Variants in NOTCH2 observed in about 807,000 individuals in gnomAD.
NOTCH2 encodes neurogenic locus notch homolog protein 2.
A neutral mutation model predicts 235.8 loss-of-function variants in NOTCH2; 29 were observed. The ratio of observed to expected loss-of-function variants is 0.12; its 90% CI spans 0.09 to 0.17. The LOEUF is 0.17. Ranked by LOEUF, NOTCH2 falls within the 10% of genes least tolerant of loss-of-function variation. The pLI is 1.00. For missense variants in NOTCH2, 2,285 were observed against 3,150.2 expected (o/e 0.73, Z 6.57); for synonymous variants, 1,086 against 1,141.5 (o/e 0.95, Z 0.98).
intron 11 of NOTCH2, among the ~76,000 whole-genome samples, chr1:119,959,843 A>G (rs1230169929): frequency 1.3e-5 from 2 of 152,210 alleles, no homozygotes; most frequent in African/African-American, 4.8e-5. Context: ...TCACCTCCAC[A>G]TGCCACAGTT....
intron 10 of NOTCH2, among the ~76,000 whole-genome samples, chr1:119,964,682 T>C (rs1376996670): frequency 5.3e-5 from 8 of 152,280 alleles, no homozygotes; most frequent in African/African-American, 1.4e-4. Context: ...CTTTAATCTT[T>C]AAGACTCCAT....
chr1:120,069,155 G>A, intron 1 of NOTCH2, 179 bp downstream of exon 1: 2 of 1,527,454 alleles, frequency 1.3e-6, no homozygotes, highest in South Asian at 1.2e-5. Context: ...GCGGTTGGCG[G>A]GGCACCACGG....
intron 1 of NOTCH2, among the ~76,000 whole-genome samples, chr1:120,037,531 C>A (rs1393619861): frequency 6.7e-6 from 1 of 149,592 alleles, no homozygotes; most frequent in East Asian, 1.9e-4. Context: ...TTTTGTATTC[C>A]ATTTTTTGGG....
intron 28 of NOTCH2, 152 bp from the exon 29 acceptor site, chr1:119,921,961 T>A: frequency 1.3e-6 from 1 of 762,332 alleles, no homozygotes; most frequent in Admixed American, 2.1e-5. Context: ...TTGGTGACAT[T>A]CCCTTGGCAT....
rs780906419 is a variant in NOTCH2 at position 119,916,450 on chromosome 1, A to G, written c.6272T>C (p.Phe2091Ser). Residue 2091 changes from phenylalanine (F) to serine (S), a missense_variant, in exon 34 of 34, where the codon TTC becomes TCC. Coordinates refer to ENST00000256646, the MANE Select transcript of NOTCH2 (RefSeq NM_024408.4). ...CATTGGGGTGTGCTTCAGGCTGAGG[A>G]AAGATCTGTTGGGCCCACAGATGAC... ...SPVICGPNRSFLSLKHTPMGK... is the reference protein window; with the variant it reads ...SPVICGPNRSSLSLKHTPMGK... 6.2e-7 allele frequency: 1 copy of G among 1,613,702 alleles called. No homozygotes were observed. The highest frequency in any genetic ancestry group is 1.1e-5 in the South Asian group (1 of 91,076).
chr1:120,039,182 A>G (rs2101360014), intron 1 of NOTCH2, among the ~76,000 whole-genome samples: 1 of 152,304 alleles, frequency 6.6e-6, no homozygotes, highest in Non-Finnish European at 1.5e-5. Context: ...CCCAACAGAG[A>G]GGAAGAAGCT....
At chr1:119,953,500 G>C (rs782355507) in intron 14 of NOTCH2, 43 bp downstream of exon 14, 1 of 1,608,694 alleles carries the variant, frequency 6.2e-7, no homozygotes. Context: ...GCAACAACAA[G>C]AAGACAAAGA....
rs781999568 is a variant in NOTCH2, at chr1:119,935,572, C to T, written c.3555G>A (p.Glu1185=). ...GATTCTGGCACTCATCCACTTCATACTCACAGTTGACACCCTGATAGCCTG... is the reference window on the plus strand; with the variant it reads ...GATTCTGGCACTCATCCACTTCATATTCACAGTTGACACCCTGATAGCCTG... ...CVPGYQGVNC[E]YEVDECQNQP... The change falls in exon 22 of 34, where the codon GAG becomes GAA. Residue 1185 remains glutamate (E), a synonymous_variant. Coordinates refer to ENST00000256646, the MANE Select transcript of NOTCH2 (RefSeq NM_024408.4). The T allele has an allele frequency of 6.2e-7, 1 of 1,614,198 alleles. No homozygotes were observed. The highest frequency in any genetic ancestry group is 2.2e-5 in the East Asian group (1 of 44,880).
rs370349228 is a variant in NOTCH2, at chr1:119,968,113, C to A, written c.1228G>T (p.Ala410Ser). 50 of 1,614,000 alleles carry A rather than the reference C, an allele frequency of 3.1e-5. No individual in the cohort carries two copies. In the African/African-American group the frequency reaches 5.2e-4, roughly 17 times the overall value. ...TCATCCACATCTTCTGTGCAGTCAG[C>A]CCCTTTGTAGCCTTGTGGGCAGGTG... ...ICTCPQGYKGADCTEDVDECA... is the reference protein window; with the variant it reads ...ICTCPQGYKGSDCTEDVDECA... The change falls in exon 7 of 34, where the codon GCT becomes TCT. Residue 410 changes from alanine to serine, a missense_variant. Ala to Ser is a moderately conservative substitution (Grantham distance 99). This residue lies in a region of NOTCH2 where 431 missense variants were observed against 757.8 expected (regional missense o/e 0.57). Coordinates refer to ENST00000256646, the MANE Select transcript of NOTCH2 (RefSeq NM_024408.4).
At chr1:119,982,312 T>C (rs1651842824) in intron 5 of NOTCH2, among the ~76,000 whole-genome samples, 1 of 152,222 alleles carries the variant, frequency 6.6e-6, no homozygotes, top group African/African-American at 2.4e-5. Flanking sequence ...AAGCCCATGC[T>C]GAAATTATAT....
chr1:120,027,549 G>C (rs1274470736), intron 2 of NOTCH2, among the ~76,000 whole-genome samples: 1 of 150,794 alleles, frequency 6.6e-6, no homozygotes, highest in South Asian at 2.1e-4. Flanking sequence ...ATGGTGGTTT[G>C]CTGCACCTAT....
chr1:120,028,825 A>G (rs1321910077), intron 2 of NOTCH2, among the ~76,000 whole-genome samples: 1 of 148,292 alleles, frequency 6.7e-6, no homozygotes, highest in Non-Finnish European at 1.5e-5. Flanking sequence ...CATATTACCA[A>G]ATTTTATTTC....
At chr1:120,007,555 T>C (rs1424700900) in intron 2 of NOTCH2, among the ~76,000 whole-genome samples, 5 of 146,634 alleles carry the variant, frequency 3.4e-5, no homozygotes, top group Non-Finnish European at 7.4e-5. Context: ...GCCAGGGTGG[T>C]GGTGCACGCT....
Position 119,986,974 on chromosome 1 carries a change from G to C in NOTCH2, c.860C>G (p.Pro287Arg). The C allele has an allele frequency of 1.2e-6, 2 of 1,613,588 alleles. No homozygotes were observed. Among genetic ancestry groups the C allele is most frequent in the Non-Finnish European group, 1.7e-6 (2 of 1,179,608 alleles). Reference sequence around the variant, plus strand: ...ACTGTACATACCTGTCCATTGTGGGGGACAGCGGCAGTTGTAAGTGTTGAC... The same window carrying C: ...ACTGTACATACCTGTCCATTGTGGGCGACAGCGGCAGTTGTAAGTGTTGAC... The part of the protein sequence containing the change: ...DGVNTYNCRC[P>R]PQWTGQFCTE... Residue 287 changes from proline to arginine, a missense_variant, in exon 5 of 34, where the codon CCC becomes CGC. Pro to Arg is a moderately radical substitution (Grantham distance 103). Coordinates refer to ENST00000256646, the MANE Select transcript of NOTCH2 (RefSeq NM_024408.4).
chr1:119,935,385 A>G, intron 22 of NOTCH2, 87 bp downstream of exon 22: 1 of 1,612,534 alleles, frequency 6.2e-7, no homozygotes, highest in Non-Finnish European at 8.5e-7. Context: ...CCTATCTTTA[A>G]TTTTATAAAA....
At chr1:119,949,383 CTTTT>C (rs1175930294) in intron 15 of NOTCH2, among the ~76,000 whole-genome samples, 2 of 112,736 alleles carry the variant, frequency 1.8e-5, no homozygotes, top group African/African-American at 3.3e-5. Context: ...ACTACTATTT[CTTTT>C]TTTTTTTTTT....
intron 1 of NOTCH2, among the ~76,000 whole-genome samples, chr1:120,060,450 AAT>A (rs782431280): frequency 0.035 from 4,953 of 139,596 alleles, 40 homozygotes; most frequent in South Asian, 0.1. Context: ...TCATAAACTA[AAT>A]ATATATATAT....
chr1:120,037,638 CT>C (rs1654361572), intron 1 of NOTCH2, among the ~76,000 whole-genome samples: 1 of 151,608 alleles, frequency 6.6e-6, no homozygotes, highest in Non-Finnish European at 1.5e-5. Context: ...GGAGAAACAT[CT>C]GTCTTCCTCC....
chr1:119,954,717 A>T (rs1403150573), intron 13 of NOTCH2, among the ~76,000 whole-genome samples: 3 of 152,198 alleles, frequency 2.0e-5, no homozygotes, highest in African/African-American at 7.2e-5. Context: ...ATTCTTCAGA[A>T]ATCATTCCAG....
Sources: gnomAD v4.1 joint callset for allele counts (sites outside exome capture counted in the v4.1 genomes callset) on GRCh38, gnomAD v4.1.1 for gene constraint, gnomAD v4.1.1 regional missense constraint, MANE v1.5 for transcripts, NCBI Gene and HGNC (gene_info 2026-07-23, HGNC 2026-07-21) for gene names.